The following PAQR3 variants were observed in gnomAD, a reference collection of about 807,000 sequenced individuals.
PAQR3 encodes progestin and adipoQ receptor family member 3.
PAQR3 carries 39 observed loss-of-function variants against 41.7 expected under a neutral mutation model. The observed-to-expected ratio is 0.93, with a 90% CI of 0.72 to 1.22. The LOEUF (loss-of-function observed/expected upper bound fraction) is 1.22, where lower values mean the gene tolerates loss of function less well. Ranked by LOEUF, PAQR3 falls within the 50% of genes most tolerant of loss-of-function variation. PAQR3 has a pLI of 0.00. For missense variants in PAQR3, 366 were observed against 385.6 expected (o/e 0.95, Z 0.42); for synonymous variants, 140 against 140.6 (o/e 1.00, Z 0.03).
intron 3 of PAQR3, among the ~76,000 whole-genome samples, chr4:78,929,538 C>T (rs1162604856): frequency 6.6e-6 from 1 of 152,200 alleles, no homozygotes; most frequent in African/African-American, 2.4e-5. Flanking sequence ...TGCTGCTTTG[C>T]ACAAGGCAAA....
chr4:78,922,282 G>C, intron 5 of PAQR3: 2 of 1,264,962 alleles, frequency 1.6e-6, no homozygotes, highest in Non-Finnish European at 2.0e-6. Flanking sequence ...AAAGCTCAGT[G>C]GTGAAAAACC....
chr4:78,902,080 T>G (rs1309992629), intron 11 of PAQR3, among the ~76,000 whole-genome samples: 1 of 152,198 alleles, frequency 6.6e-6, no homozygotes, highest in Non-Finnish European at 1.5e-5. Context: ...TTGTTTATTT[T>G]AGATTCTAGT....
chr4:78,935,909 T>C (rs1737378988), intron 1 of PAQR3, among the ~76,000 whole-genome samples: 1 of 152,258 alleles, frequency 6.6e-6, no homozygotes, highest in Non-Finnish European at 1.5e-5. Flanking sequence ...AAAACTAGTC[T>C]AGTTTCCAGG....
At chr4:78,888,620 T>G (rs1040924484) in intron 11 of PAQR3, among the ~76,000 whole-genome samples, 4 of 152,248 alleles carry the variant, frequency 2.6e-5, no homozygotes, top group African/African-American at 4.8e-5. Flanking sequence ...AGAACTGAAG[T>G]AAGCTTCAGT....
At chr4:78,927,806 A>G (rs1353502491) in intron 3 of PAQR3, among the ~76,000 whole-genome samples, 3 of 152,234 alleles carry the variant, frequency 2.0e-5, no homozygotes, top group Admixed American at 2.0e-4. Context: ...AAGAGTTCTT[A>G]ATCTGGGCTC....
intron 11 of PAQR3, among the ~76,000 whole-genome samples, chr4:78,889,708 C>T (rs2110078513): frequency 6.6e-6 from 1 of 152,052 alleles, no homozygotes; most frequent in African/African-American, 2.4e-5. Flanking sequence ...GACTAGGACC[C>T]AAGAAAGGCA....
Position 78,920,555 on chromosome 4 carries a change from T to C in PAQR3, c.920A>G (p.Tyr307Cys), listed in dbSNP as rs1560570752. The change falls in exon 6 of 6, where the codon TAT (tyrosine) becomes TGT (cysteine). Residue 307 changes from tyrosine to cysteine, a missense_variant. Physicochemically the swap from Tyr to Cys is radical, Grantham distance 194. Coordinates refer to ENST00000512733, the MANE Select transcript of PAQR3 (RefSeq NM_001040202.2). ...QYRHSKPCPD[Y>C]VSHL ...ATACCTAATTCACAAATGTGAAACA[T>C]AGTCAGGACAAGGCTTGCTATGTCT... 3.1e-6 allele frequency: 5 copies of C among 1,607,770 alleles called. No homozygotes were observed. Among genetic ancestry groups the C allele is most frequent in the Admixed American group, 3.4e-5 (2 of 59,262 alleles).
intron 1 of PAQR3, among the ~76,000 whole-genome samples, chr4:78,936,285 T>C (rs1737423307): frequency 6.6e-6 from 1 of 152,246 alleles, no homozygotes; most frequent in Non-Finnish European, 1.5e-5. Flanking sequence ...CAAAATCTCG[T>C]ATTTTTGCTT....
chr4:78,904,825 AATT>A (rs1277705088), intron 11 of PAQR3, among the ~76,000 whole-genome samples: 9 of 152,024 alleles, frequency 5.9e-5, no homozygotes, highest in South Asian at 2.1e-4. Flanking sequence ...ATAAGAGCAT[AATT>A]ATTATATATT....
downstream of PAQR3, among the ~76,000 whole-genome samples, chr4:78,907,717 A>C (rs1253572136): frequency 1.3e-5 from 2 of 152,198 alleles, no homozygotes; most frequent in African/African-American, 4.8e-5. Context: ...GGCAGAATGC[A>C]GAGTGCACCA....
At chr4:78,937,329 A>G (rs974585562) in intron 1 of PAQR3, among the ~76,000 whole-genome samples, 2 of 152,208 alleles carry the variant, frequency 1.3e-5, no homozygotes, top group Non-Finnish European at 2.9e-5. Flanking sequence ...CGTTCAGGCC[A>G]CTGTCACTGG....
intron 11 of PAQR3, among the ~76,000 whole-genome samples, chr4:78,890,405 C>T (rs1014621756): frequency 1.1e-5 from 1 of 91,704 alleles, no homozygotes. Context: ...CAATCATGCG[C>T]ACACACACAC....
rs1435742637 is a variant in PAQR3 at position 78,926,533 on chromosome 4, A to T, written c.690T>A (p.Ala230=). 6.2e-7 allele frequency: 1 copy of T among 1,612,352 alleles called. No homozygotes were observed. Reference sequence around the variant, plus strand: ...ACACTCAACCTACCTGTACAATAGGAGCACCAATTCCTCCATTGAGCCAAA... The same window carrying T: ...ACACTCAACCTACCTGTACAATAGGTGCACCAATTCCTCCATTGAGCCAAA... ...HWVWLNGGIG[A]PIVQDFAPRV... The change falls in exon 4 of 6, where the codon GCT becomes GCA. Residue 230 remains alanine (A), a synonymous_variant. Coordinates refer to ENST00000512733, the MANE Select transcript of PAQR3 (RefSeq NM_001040202.2).
Position 78,914,669 on chromosome 4 carries a change from A to G in PAQR3, c.*5870T>C, listed in dbSNP as rs1734890413. The G allele has an allele frequency of 1.3e-5, 2 of 151,048 alleles. No individual in the cohort carries two copies. The highest frequency in any genetic ancestry group is 4.2e-4 in the South Asian group (2 of 4,782). The allele number at this position is 151,048 out of a possible 1,614,324, so 9.4% of individuals were successfully genotyped here. On this transcript the variant is annotated 3_prime_UTR_variant, in exon 6 of 6. Coordinates refer to ENST00000512733, the MANE Select transcript of PAQR3 (RefSeq NM_001040202.2). ...TTTGGCTCTATTATGGGATGGTTCA[A>G]TTCTGGTTTAAGGAAGGAAGAAAGG...
At position 78,920,671 on chromosome 4, in the gene PAQR3, G is replaced by A. The variant is rs1422292432; in HGVS notation, c.804C>T (p.Asn268=). 2 of 1,604,334 alleles carry A rather than the reference G, an allele frequency of 1.2e-6. No homozygotes were observed. The highest frequency in any genetic ancestry group is 2.7e-5 in the African/African-American group (2 of 74,364). The change falls in exon 6 of 6, where the codon AAC becomes AAT. Residue 268 remains asparagine (N), a synonymous_variant. Transcript: ENST00000512733. ...ATATTTGGTGGCTTGATCCGAGGTA[G>A]TTTAGTTGTCCTGGAAAGAAGGTAG... is the stretch of plus-strand genomic sequence containing the variant. ...VPERYFPGQL[N]YLGSSHQIWH...
chr4:78,938,189 A>T (rs1173184126), intron 1 of PAQR3, among the ~76,000 whole-genome samples: 1 of 152,238 alleles, frequency 6.6e-6, no homozygotes, highest in Non-Finnish European at 1.5e-5. Context: ...CACTACAGCG[A>T]CCTGGAGCTA....
exon 13 of PAQR3, chr4:78,887,263 G>A: frequency 6.2e-7 from 1 of 1,608,558 alleles, no homozygotes; most frequent in Non-Finnish European, 8.5e-7. Flanking sequence ...TTTTGGTTCT[G>A]TTCCTTTCAT....
intron 11 of PAQR3, among the ~76,000 whole-genome samples, chr4:78,890,051 T>C (rs778951618): frequency 5.3e-5 from 8 of 152,180 alleles, no homozygotes; most frequent in Non-Finnish European, 8.8e-5. Context: ...TTTGATACTG[T>C]AATAGATTAG....
intron 11 of PAQR3, among the ~76,000 whole-genome samples, chr4:78,889,203 A>G (rs112442092): frequency 1.9e-3 from 266 of 142,092 alleles, no homozygotes; most frequent in African/African-American, 6.6e-3. Flanking sequence ...CCTGGGCGAT[A>G]GAGTGAGACT....
Sources: gnomAD v4.1 joint callset for allele counts (sites outside exome capture counted in the v4.1 genomes callset) on GRCh38, gnomAD v4.1.1 for gene constraint, MANE v1.5 for transcripts, NCBI Gene and HGNC (gene_info 2026-07-23, HGNC 2026-07-21) for gene names.